RRP7A: variants seen among roughly 807,000 people sequenced by gnomAD.
The protein encoded by RRP7A is ribosomal RNA-processing protein 7 homolog A.
Under a neutral mutation model 38.4 loss-of-function variants are expected in RRP7A, and 27 were observed. The observed-to-expected ratio is 0.70, with a 90% CI of 0.52 to 0.97. The LOEUF (loss-of-function observed/expected upper bound fraction) is 0.97. RRP7A is among the 50% of genes least tolerant of loss of function. The pLI is 0.00. For synonymous variants in RRP7A, 124 were observed against 150.3 expected (o/e 0.83, Z 1.28); for missense variants, 327 against 375.4 (o/e 0.87, Z 1.07).
At position 42,519,719 on chromosome 22, in the gene RRP7A, T is replaced by C; in HGVS notation, c.68A>G (p.Tyr23Cys). The C allele has an allele frequency of 5.5e-6, 8 of 1,460,962 alleles. No homozygotes were observed. The highest frequency in any genetic ancestry group is 7.2e-6 in the Non-Finnish European group (8 of 1,108,312). The allele number at this position is 1,460,962 out of a possible 1,614,324, so 90.5% of individuals were successfully genotyped here. A position where few individuals can be genotyped will look rare whatever the true frequency, so the allele number is the denominator to read the frequency against. Residue 23 changes from tyrosine to cysteine, a missense_variant, in exon 1 of 7, where the codon TAC becomes TGC. Around this residue, in one of 5 missense-constraint regions of RRP7A, gnomAD observed 183 missense variants for 141.8 expected, o/e 1.29. Transcript: ENST00000323013. Reference protein sequence around the residue: ...PEDRIPSPLGYAAIPIKFSEK... With the variant: ...PEDRIPSPLGCAAIPIKFSEK... ...CGCGTCCCGGAGCCCCTCACCTGCG[T>C]AGCCCAGTGGGCTGGGGATACGGTC...
At position 42,519,610 on chromosome 22, in the gene RRP7A, C is replaced by T. The variant is rs1920942657; in HGVS notation, c.73+104G>A. On this transcript the variant is annotated intron_variant, in intron 1 of 6. Coordinates refer to ENST00000323013, the MANE Select transcript of RRP7A (RefSeq NM_015703.5). Reference sequence around the variant, plus strand: ...GGGCCACGGGCCACCGGGGCTCACACCCAACCGTGCGGCCGCTCCTGGGGA... The same window carrying T: ...GGGCCACGGGCCACCGGGGCTCACATCCAACCGTGCGGCCGCTCCTGGGGA... 10 of 1,038,938 alleles carry T rather than the reference C, an allele frequency of 9.6e-6. No individual in the cohort carries two copies. In the South Asian group the frequency reaches 1.9e-4, roughly 19 times the overall value. 64.4% of individuals were successfully genotyped at this position (1,038,938 alleles called of 1,614,324 possible).
intron 2 of RRP7A, among the ~76,000 whole-genome samples, chr22:42,516,783 C>G (rs1166986727): frequency 6.6e-6 from 1 of 152,154 alleles, no homozygotes; most frequent in East Asian, 1.9e-4. Context: ...TGCTGTGTCT[C>G]CACCTGGGCG....
intron 2 of RRP7A, among the ~76,000 whole-genome samples, chr22:42,517,342 T>TA (rs71184902): frequency 0.24 from 28,149 of 117,402 alleles, 2,909 homozygotes; most frequent in Middle Eastern, 0.3. Flanking sequence ...TTAGTTTTTG[T>TA]AAAAAAAAAA....
chr22:42,508,968 C>T lies in RRP7A; in HGVS notation c.*3942G>A, dbSNP rs554178858. The T allele has an allele frequency of 5.3e-5, 86 of 1,608,872 alleles. No homozygotes were observed. Among genetic ancestry groups the T allele is most frequent in the Admixed American group, 8.4e-5 (5 of 59,466 alleles). On this transcript the variant is annotated 3_prime_UTR_variant, in exon 7 of 7. Transcript: ENST00000323013. ...TAGCCACCCCAACAGAGATGGGTTT[C>T]GTGCCCACGAGAGTGCCTGTGCCTT...
intron 2 of RRP7A, among the ~76,000 whole-genome samples, chr22:42,517,342 T>TTA (rs781601836): frequency 8.5e-6 from 1 of 117,532 alleles, no homozygotes; most frequent in Non-Finnish European, 1.8e-5. Context: ...TTAGTTTTTG[T>TTA]AAAAAAAAAA....
At chr22:42,513,270 C>T (rs867470527) in intron 6 of RRP7A, among the ~76,000 whole-genome samples, 1 of 129,586 alleles carries the variant, frequency 7.7e-6, no homozygotes, top group Non-Finnish European at 1.7e-5. Flanking sequence ...AAGGTACCCG[C>T]CCCCACCCCC....
intron 1 of RRP7A, among the ~76,000 whole-genome samples, chr22:42,519,053 G>A (rs1278599559): frequency 6.7e-6 from 1 of 148,548 alleles, no homozygotes; most frequent in Non-Finnish European, 1.5e-5. Flanking sequence ...AACCGGCACA[G>A]CACGTGCAAA....
At position 42,511,840 on chromosome 22, in the gene RRP7A, A is replaced by G. The variant is rs1280992900; in HGVS notation, c.*1070T>C. On this transcript the variant is annotated 3_prime_UTR_variant, in exon 7 of 7. Transcript: ENST00000323013. ...GGACTACTTCGGATACAATCACAGC[A>G]ACCCTGGCCTCGGCCCTGCCCTGTC... 2.1e-6 allele frequency: 1 copy of G among 468,636 alleles called. No homozygotes were observed. Among genetic ancestry groups the G allele is most frequent in the African/African-American group, 2.0e-5 (1 of 50,664 alleles). 29.0% of individuals were successfully genotyped at this position (468,636 alleles called of 1,614,324 possible).
rs11553438 is a variant in RRP7A, at chr22:42,518,101, G to C, written c.120C>G (p.Leu40=). 6.2e-7 allele frequency: 1 copy of C among 1,613,868 alleles called. No individual in the cohort carries two copies. Among genetic ancestry groups the C allele is most frequent in the Admixed American group, 1.7e-5 (1 of 60,008 alleles). ...GTCGAACGCCGTGTGCTCTCACATA[G>C]AGGTAGTGAGAAGCCTGTTGCTTTT... ...FSEKQQASHY[L]YVRAHGVRQG... The change falls in exon 2 of 7, where the codon CTC becomes CTG. Residue 40 remains leucine (L), a synonymous_variant. Coordinates refer to ENST00000323013, the MANE Select transcript of RRP7A (RefSeq NM_015703.5).
Position 42,511,766 on chromosome 22 carries a change from G to C in RRP7A, c.*1144C>G, listed in dbSNP as rs1323674982. 2 of 210,468 alleles carry C rather than the reference G, an allele frequency of 9.5e-6. No individual in the cohort carries two copies. Among genetic ancestry groups the C allele is most frequent in the Non-Finnish European group, 1.9e-5 (2 of 103,844 alleles). The allele number at this position is 210,468 out of a possible 1,614,324, so 13.0% of individuals were successfully genotyped here. On this transcript the variant is annotated 3_prime_UTR_variant, in exon 7 of 7. Coordinates refer to ENST00000323013, the MANE Select transcript of RRP7A (RefSeq NM_015703.5). Reference sequence around the variant, plus strand: ...CTTCCTGTCTGGCTTCTTGAAGGCAGACACAAGTCTGCAGGCTGCTCACGT... The same window carrying C: ...CTTCCTGTCTGGCTTCTTGAAGGCACACACAAGTCTGCAGGCTGCTCACGT...
chr22:42,509,208 C>T lies in RRP7A; in HGVS notation c.*3702G>A, dbSNP rs1290565184. 3.6e-5 allele frequency: 56 copies of T among 1,569,568 alleles called. No homozygotes were observed. The highest frequency in any genetic ancestry group is 1.8e-4 in the South Asian group (16 of 87,454). The stretch of plus-strand genomic sequence containing the variant: ...CTGGCATGAGGCTCCAAGTTCTCTG[C>T]GTGTCGACCACATCGCTAAGACTCA... On this transcript the variant is annotated 3_prime_UTR_variant, in exon 7 of 7. Coordinates refer to ENST00000323013, the MANE Select transcript of RRP7A (RefSeq NM_015703.5).
chr22:42,514,161 G>A lies in RRP7A; in HGVS notation c.702C>T (p.Ser234=). 1.9e-6 allele frequency: 3 copies of A among 1,613,350 alleles called. No homozygotes were observed. The highest frequency in any genetic ancestry group is 1.7e-6 in the Non-Finnish European group (2 of 1,179,840). ...RVLERERRKR[S]RKELLNFYAW... ...CGTAGAAGTTGAGCAGCTCTTTTCG[G>A]CTGCGCTTCCGTCTCTCCCTCTCCA... The change falls in exon 6 of 7, where the codon AGC becomes AGT. Residue 234 remains serine (S), a synonymous_variant. Coordinates refer to ENST00000323013, the MANE Select transcript of RRP7A (RefSeq NM_015703.5).
At position 42,512,419 on chromosome 22, in the gene RRP7A, G is replaced by A. The variant is rs189416876; in HGVS notation, c.*491C>T. 662 of 619,378 alleles carry A rather than the reference G, an allele frequency of 1.1e-3. 7 individuals carry two copies. In the East Asian group the frequency reaches 0.017, roughly 16 times the overall value. 38.4% of individuals were successfully genotyped at this position (619,378 alleles called of 1,614,324 possible). ...AACTTCAACATCTGTGACCTCAAGG[G>A]GGAGACAGAGTCTGGGTTCCAGGGC... On this transcript the variant is annotated 3_prime_UTR_variant, in exon 7 of 7. Transcript: ENST00000323013.
Position 42,511,805 on chromosome 22 carries a change from T to A in RRP7A, c.*1105A>T. The A allele has an allele frequency of 3.1e-6, 1 of 320,596 alleles. No homozygotes were observed. The highest frequency in any genetic ancestry group is 5.9e-6 in the Non-Finnish European group (1 of 168,682). The allele number at this position is 320,596 out of a possible 1,614,324, so 19.9% of individuals were successfully genotyped here. A position where few individuals can be genotyped will look rare whatever the true frequency, so the allele number is the denominator to read the frequency against. The stretch of plus-strand genomic sequence containing the variant: ...GGCTGCTCACGTCATCTCATTATCT[T>A]TTCTCACGAGGACTACTTCGGATAC... On this transcript the variant is annotated 3_prime_UTR_variant, in exon 7 of 7. Transcript: ENST00000323013.
rs1920924447 is a variant in RRP7A, at chr22:42,514,239, G to C, written c.624C>G (p.Arg208=). The change falls in exon 6 of 7, where the codon CGC becomes CGG. Residue 208 remains arginine (R), a synonymous_variant. Transcript: ENST00000323013. The stretch of plus-strand genomic sequence containing the variant: ...GGGGGAGCACAGGCCGCCGGCCCCG[G>C]CGGGTCACCTTCACCCAGCCCTCCT... The part of the protein sequence containing the change: ...PDEEGWVKVT[R]RGRRPVLPRT... 6.2e-7 allele frequency: 1 copy of C among 1,606,952 alleles called. No individual in the cohort carries two copies. The highest frequency in any genetic ancestry group is 1.3e-5 in the African/African-American group (1 of 74,800).
chr22:42,517,529 CTT>C (rs1211169362), intron 2 of RRP7A, among the ~76,000 whole-genome samples: 1 of 151,454 alleles, frequency 6.6e-6, no homozygotes, highest in South Asian at 2.1e-4. Flanking sequence ...ACTTTTTTCT[CTT>C]TTTTTTGAGT....
chr22:42,510,722 GAGGTAAGGCGGGGCTC>G lies in RRP7A; in HGVS notation c.*2172_*2187del. On this transcript the variant is annotated 3_prime_UTR_variant, in exon 7 of 7. Transcript: ENST00000323013. Reference sequence around the variant, plus strand: ...AGACACAATGAAATCCACCCTCAAAGAGGTAAGGCGGGGCTCAGGCAGCTGGTGTCCAGCCACTGTC... The same window carrying G: ...AGACACAATGAAATCCACCCTCAAAGAGGCAGCTGGTGTCCAGCCACTGTC... 6.6e-7 allele frequency: 1 copy of G among 1,522,992 alleles called. No homozygotes were observed. The highest frequency in any genetic ancestry group is 8.9e-7 in the Non-Finnish European group (1 of 1,126,420). The allele number at this position is 1,522,992 out of a possible 1,614,324, so 94.3% of individuals were successfully genotyped here.
intron 2 of RRP7A, 131 bp from the exon 3 acceptor site, chr22:42,516,267 C>T (rs1171642476): frequency 1.4e-5 from 18 of 1,278,912 alleles, no homozygotes; most frequent in East Asian, 2.5e-5. Flanking sequence ...CTGCCCAAGC[C>T]GGGAGACTGT....
At position 42,509,414 on chromosome 22, in the gene RRP7A, C is replaced by T. The variant is rs148509393; in HGVS notation, c.*3496G>A. The stretch of plus-strand genomic sequence containing the variant: ...TGAGCCCAGTCTCGACTCACTGCAA[C>T]CTCTGCCTCCTGGATTCAAACGATT... On this transcript the variant is annotated 3_prime_UTR_variant, in exon 7 of 7. Transcript: ENST00000323013. Among the ~76,000 whole-genome samples, 1,650 of 150,810 alleles carry T rather than the reference C, an allele frequency of 0.011. 36 individuals carry two copies. The highest frequency in any genetic ancestry group is 0.038 in the African/African-American group (1,570 of 41,290).
Sources: allele counts gnomAD v4.1 joint callset (sites outside exome capture counted in the v4.1 genomes callset), GRCh38; gene constraint gnomAD v4.1.1; regional missense constraint gnomAD v4.1.1; transcripts MANE v1.5; gene names NCBI Gene and HGNC (gene_info 2026-07-23, HGNC 2026-07-21).